The following HDAC9 variants were observed in gnomAD, a reference collection of about 807,000 sequenced individuals.
HDAC9 encodes MEF-2 interacting transcription repressor (MITR) protein.
HDAC9 carries 41 observed loss-of-function variants against 139.4 expected under a neutral mutation model. The ratio of observed to expected loss-of-function variants is 0.29; its 90% CI spans 0.23 to 0.38. HDAC9 has a LOEUF of 0.38. Among genes scored for constraint, HDAC9 ranks in the 10% least tolerant of loss-of-function variants. HDAC9 has a pLI of 1.00. For missense variants in HDAC9, 1,147 were observed against 1,297.0 expected (o/e 0.88, Z 1.78); for synonymous variants, 517 against 476.2 (o/e 1.09, Z -1.12).
chr7:18,299,972 A>G (rs946516000), intron 1 of HDAC9, among the ~76,000 whole-genome samples: 2 of 152,148 alleles, frequency 1.3e-5, no homozygotes, highest in African/African-American at 2.4e-5. Flanking sequence ...CCTTTTGTTA[A>G]TGAAGCAGTT....
At chr7:18,246,821 G>A (rs957700768) in intron 2 of HDAC9, among the ~76,000 whole-genome samples, 1 of 152,114 alleles carries the variant, frequency 6.6e-6, no homozygotes, top group Non-Finnish European at 1.5e-5. Flanking sequence ...TTGACTAGGA[G>A]GTTATCAGTG....
At chr7:18,757,807 C>T (rs1357077519) in intron 14 of HDAC9, among the ~76,000 whole-genome samples, 2 of 152,008 alleles carry the variant, frequency 1.3e-5, no homozygotes, top group African/African-American at 4.8e-5. Context: ...AGATCATGTT[C>T]AGAACATTTC....
rs1794901995 is a variant in HDAC9, at chr7:18,666,387, G to C, written c.1642G>C (p.Val548Leu). 1.2e-6 allele frequency: 2 copies of C among 1,613,210 alleles called. No homozygotes were observed. Among genetic ancestry groups the C allele is most frequent in the Non-Finnish European group, 1.7e-6 (2 of 1,179,554 alleles). ...TGACACACTGGGACAAGTTGGGGCT[G>C]TGAAGGTCAAGGAGGAACCAGTGGA... ...VDDTLGQVGA[V>L]KVKEEPVDSD... is the part of the protein sequence containing the mutation. The change falls in exon 12 of 26, where the codon GTG becomes CTG. Residue 548 changes from valine (V) to leucine (L), a missense_variant. Around this residue, in one of 7 missense-constraint regions of HDAC9, gnomAD observed 256 missense variants for 219.2 expected, o/e 1.17. Transcript: ENST00000686413.
At chr7:18,790,245 G>A (rs887446442) in intron 16 of HDAC9, among the ~76,000 whole-genome samples, 17 of 152,300 alleles carry the variant, frequency 1.1e-4, no homozygotes, top group Admixed American at 9.8e-4. Context: ...GAACTGAAGA[G>A]TGTGCCCTCA....
rs60037513 is a variant in HDAC9 at position 18,981,947 on chromosome 7, G to GA, written c.3170+6003dup. The stretch of plus-strand genomic sequence containing the variant: ...AGATTGAAATAGGGTCCTGCAAAAT[G>GA]AAAAAAAAAGCAAAACAAAACGCCT... On this transcript the variant is annotated intron_variant, in intron 25 of 25. Transcript: ENST00000686413. Among the ~76,000 whole-genome samples the GA allele has an allele frequency of 8.9e-3, 1,330 of 149,938 alleles. 18 individuals are homozygous for GA. Among genetic ancestry groups the GA allele is most frequent in the African/African-American group, 0.031 (1,258 of 40,832 alleles).
chr7:18,286,805 T>G (rs1797482256), upstream of HDAC9, among the ~76,000 whole-genome samples: 1 of 152,178 alleles, frequency 6.6e-6, no homozygotes, highest in Non-Finnish European at 1.5e-5. Context: ...ACTTTATTAT[T>G]ATTGCTCATA....
At chr7:18,721,961 A>T (rs1584914280) in intron 12 of HDAC9, among the ~76,000 whole-genome samples, 1 of 152,222 alleles carries the variant, frequency 6.6e-6, no homozygotes, top group East Asian at 1.9e-4. Context: ...CCTACCACTT[A>T]GAATGATGGG....
At chr7:18,801,327 TGAAA>T (rs1346542680) in intron 17 of HDAC9, among the ~76,000 whole-genome samples, 1 of 152,126 alleles carries the variant, frequency 6.6e-6, no homozygotes, top group Non-Finnish European at 1.5e-5. Flanking sequence ...TTACATTGTA[TGAAA>T]TGTTTTATAG....
intron 1 of HDAC9, among the ~76,000 whole-genome samples, chr7:18,420,336 T>G (rs1789500417): frequency 6.6e-6 from 1 of 152,240 alleles, no homozygotes; most frequent in Non-Finnish European, 1.5e-5. Context: ...TTTTTGTGAT[T>G]GCTAGAGGTA....
At chr7:18,089,528 G>A (rs1470470432) in intron 1 of HDAC9, among the ~76,000 whole-genome samples, 1 of 151,908 alleles carries the variant, frequency 6.6e-6, no homozygotes, top group Non-Finnish European at 1.5e-5. Context: ...TTGAGGTTTA[G>A]GAGTTTTGAA....
chr7:18,508,424 G>A (rs112087485), intron 2 of HDAC9, among the ~76,000 whole-genome samples: 3 of 152,328 alleles, frequency 2.0e-5, no homozygotes, highest in African/African-American at 7.2e-5. Context: ...GGATGGGGAA[G>A]CATTTAGCAG....
chr7:18,482,416 A>AAAAAAAAAAAAAT (rs1363675050), intron 1 of HDAC9, among the ~76,000 whole-genome samples: 3 of 139,562 alleles, frequency 2.1e-5, no homozygotes, highest in Non-Finnish European at 4.6e-5. Context: ...AAAAAAAAAA[A>AAAAAAAAAAAAAT]ATTCTCCTTG....
In HDAC9 at chr7:18,996,072, T is replaced by G; in HGVS notation, c.*10T>G. ...GGAGCCAGCCTTGTGAAGTGCCAAG[T>G]CCCCCTCTGATATTTCCTGTGTGTG... On this transcript the variant is annotated 3_prime_UTR_variant, in exon 26 of 26. Transcript: ENST00000686413. 1 of 1,598,362 alleles carries G rather than the reference T, an allele frequency of 6.3e-7. No homozygotes were observed. Among genetic ancestry groups the G allele is most frequent in the Non-Finnish European group, 8.5e-7 (1 of 1,170,802 alleles).
At chr7:18,872,637 T>C (rs191430103) in intron 21 of HDAC9, among the ~76,000 whole-genome samples, 3 of 152,298 alleles carry the variant, frequency 2.0e-5, no homozygotes, top group African/African-American at 2.4e-5. Flanking sequence ...TAGGCACTTA[T>C]ACTCTGTAGA....
intron 1 of HDAC9, among the ~76,000 whole-genome samples, chr7:18,107,711 T>C (rs1783324539): frequency 2.6e-5 from 4 of 152,240 alleles, no homozygotes; most frequent in Middle Eastern, 3.2e-3. Context: ...TTTTCTGTAC[T>C]TTTTAAAACA....
At chr7:18,894,034 A>G (rs1213762021) in intron 22 of HDAC9, among the ~76,000 whole-genome samples, 1 of 152,122 alleles carries the variant, frequency 6.6e-6, no homozygotes, top group Non-Finnish European at 1.5e-5. Context: ...GATTTATTTT[A>G]AAGGTGAGTG....
At chr7:18,794,489 C>A (rs763115936) in intron 17 of HDAC9, among the ~76,000 whole-genome samples, 2 of 152,110 alleles carry the variant, frequency 1.3e-5, no homozygotes, top group Non-Finnish European at 2.9e-5. Context: ...TCAGAGCCTA[C>A]GGAAATATAA....
chr7:18,494,796 C>A (rs1563046190), upstream of HDAC9, among the ~76,000 whole-genome samples: 2 of 151,974 alleles, frequency 1.3e-5, no homozygotes, highest in African/African-American at 4.8e-5. Flanking sequence ...GGGTACTAAC[C>A]ATATATATGA....
chr7:18,258,992 C>G (rs1205508647), intron 2 of HDAC9, among the ~76,000 whole-genome samples: 2 of 120,362 alleles, frequency 1.7e-5, no homozygotes, highest in Admixed American at 9.8e-5. Flanking sequence ...TTTTTTTAAA[C>G]AGGGTCTCAC....
Sources: gnomAD v4.1 joint callset for allele counts (sites outside exome capture counted in the v4.1 genomes callset) on GRCh38, gnomAD v4.1.1 for gene constraint, gnomAD v4.1.1 regional missense constraint, MANE v1.5 for transcripts, NCBI Gene and HGNC (gene_info 2026-07-23, HGNC 2026-07-21) for gene names.